DMBT1: variants seen among roughly 807,000 people sequenced by gnomAD.
The protein encoded by DMBT1 is deleted in malignant brain tumors 1, also known as scavenger receptor cysteine-rich domain-containing protein DMBT1.
In DMBT1, 198 loss-of-function variants were observed where a neutral mutation model predicts 252.9. The ratio of observed to expected loss-of-function variants is 0.78; its 90% confidence interval spans 0.70 to 0.88. DMBT1 has a LOEUF of 0.88. Among genes scored for constraint, DMBT1 ranks in the 40% least tolerant of loss-of-function variants. DMBT1 has a pLI of 0.00. For missense variants in DMBT1, 2,432 were observed against 2,404.7 expected (o/e 1.01, Z -0.24); for synonymous variants, 990 against 942.7 (o/e 1.05, Z -0.92).
intron 43 of DMBT1, 77 bp from the exon 44 acceptor site, chr10:122,620,980 G>C: frequency 1.3e-6 from 2 of 1,593,286 alleles, no homozygotes; most frequent in Non-Finnish European, 1.7e-6. Flanking sequence ...ATTAGGAAGT[G>C]CCCTGAGTGT....
At position 122,570,420 on chromosome 10, in the gene DMBT1, C is replaced by T. The variant is rs1292427341; in HGVS notation, c.139+211C>T. Among the ~76,000 whole-genome samples the T allele has an allele frequency of 2.6e-5, 4 of 152,350 alleles. No homozygotes were observed. In the East Asian group the frequency reaches 7.7e-4, roughly 29 times the overall value. On this transcript the variant is annotated intron_variant, in intron 3 of 55. Coordinates refer to ENST00000338354, the MANE Select transcript of DMBT1 (RefSeq NM_001377530.1). ...GGGCTCCCCAAGGGGGCATGGTCCT[C>T]CATGCAGCCACTTTGTGATGGTTTA...
chr10:122,629,255 C>A (rs539823255), intron 46 of DMBT1, among the ~76,000 whole-genome samples: 2 of 152,208 alleles, frequency 1.3e-5, no homozygotes, highest in South Asian at 2.1e-4. Context: ...GATGCCATTA[C>A]CACTCTCATT....
In DMBT1 at chr10:122,643,257, G is replaced by A. The variant is rs755724436; in HGVS notation, c.7488G>A (p.Ala2496=). 15 of 1,613,986 alleles carry A rather than the reference G, an allele frequency of 9.3e-6. No individual in the cohort carries two copies. Among genetic ancestry groups the A allele is most frequent in the South Asian group, 6.6e-5 (6 of 91,080 alleles). Residue 2496 remains alanine (A), a synonymous_variant, in exon 56 of 56, where the codon GCG becomes GCA. Coordinates refer to ENST00000338354, the MANE Select transcript of DMBT1 (RefSeq NM_001377530.1). ...GTTGTAAAATGGTGGTGTGCAGAGC[G>A]TATGACCCCTCTTCCCGCTGCTACC... ...YLRCKMVVCR[A]YDPSSRCYRG...
At chr10:122,634,390 TTC>T (rs1290971001) in intron 52 of DMBT1, among the ~76,000 whole-genome samples, 11 of 143,164 alleles carry the variant, frequency 7.7e-5, no homozygotes, top group African/African-American at 2.6e-4. Context: ...CTTTCTTTCT[TTC>T]TTTCTTTCTT....
At chr10:122,586,732 TG>T (rs1309715435) in intron 16 of DMBT1, among the ~76,000 whole-genome samples, 1 of 148,546 alleles carries the variant, frequency 6.7e-6, no homozygotes, top group Non-Finnish European at 1.5e-5. Context: ...ATTTGGGTCT[TG>T]GGTCTTTGCA....
Position 122,598,824 on chromosome 10 carries a change from C to G in DMBT1, c.3007C>G (p.Gln1003Glu). 1 of 1,613,576 alleles carries G rather than the reference C, an allele frequency of 6.2e-7. No individual in the cohort carries two copies. The highest frequency in any genetic ancestry group is 1.1e-5 in the South Asian group (1 of 91,056). The change falls in exon 26 of 56, where the codon CAG becomes GAG. Residue 1003 changes from glutamine (Q) to glutamate (E), a missense_variant. By Grantham distance (29) the Gln-to-Glu change is conservative (BLOSUM62 2). This residue lies in a region of DMBT1 where 1,264 missense variants were observed against 1,082.2 expected (regional missense o/e 1.17). Transcript: ENST00000338354. ...GCTGGTGAATGGAGGTGACAGGTGT[C>G]AGGGCCGAGTGGAGGTCCTATACCA... is the stretch of plus-strand genomic sequence containing the variant. Reference protein sequence around the residue: ...LRLVNGGDRCQGRVEVLYQGS... With the variant: ...LRLVNGGDRCEGRVEVLYQGS...
intron 24 of DMBT1, among the ~76,000 whole-genome samples, 165 bp from the exon 25 acceptor site, chr10:122,597,809 T>C (rs1325458616): frequency 6.6e-6 from 1 of 152,082 alleles, no homozygotes; most frequent in Non-Finnish European, 1.5e-5. Context: ...CTATGACCCT[T>C]GCTGAGCTTG....
intron 20 of DMBT1, among the ~76,000 whole-genome samples, chr10:122,593,033 C>T (rs1395456277): frequency 2.7e-5 from 4 of 148,624 alleles, no homozygotes; most frequent in African/African-American, 9.7e-5. Context: ...GTGAGGAGGT[C>T]TGGAAATAGA....
Position 122,579,884 on chromosome 10 carries a change from C to G in DMBT1, c.986C>G (p.Ala329Gly). 1 of 1,613,850 alleles carries G rather than the reference C, an allele frequency of 6.2e-7. No homozygotes were observed. Among genetic ancestry groups the G allele is most frequent in the Non-Finnish European group, 8.5e-7 (1 of 1,179,766 alleles). Residue 329 changes from alanine to glycine, a missense_variant, in exon 10 of 56, where the codon GCT (alanine) becomes GGT (glycine). Around this residue, in one of 3 missense-constraint regions of DMBT1, gnomAD observed 1,264 missense variants for 1,082.2 expected, o/e 1.17. Coordinates refer to ENST00000338354, the MANE Select transcript of DMBT1 (RefSeq NM_001377530.1). Reference protein sequence around the residue: ...LTHNCGHSEDAGVICSAPQSR... With the variant: ...LTHNCGHSEDGGVICSAPQSR... ...CACAACTGTGGCCATAGTGAAGACGCTGGTGTCATCTGCTCAGGTGGGCCT... is the reference window on the plus strand; with the variant it reads ...CACAACTGTGGCCATAGTGAAGACGGTGGTGTCATCTGCTCAGGTGGGCCT...
intron 26 of DMBT1, 128 bp from the exon 27 acceptor site, chr10:122,599,936 C>T (rs915117637): frequency 1.3e-4 from 177 of 1,366,884 alleles, no homozygotes; most frequent in Middle Eastern, 7.2e-4. Flanking sequence ...CATGGCAATG[C>T]CCCTCCCTGT....
intron 3 of DMBT1, 96 bp downstream of exon 3, chr10:122,570,305 A>G: frequency 9.5e-7 from 1 of 1,053,722 alleles, no homozygotes. Context: ...CCATACTTCT[A>G]GCAACTCTGG....
chr10:122,586,542 A>C (rs2097791337), intron 16 of DMBT1, among the ~76,000 whole-genome samples, 159 bp downstream of exon 16: 1 of 148,348 alleles, frequency 6.7e-6, no homozygotes, highest in South Asian at 2.3e-4. Flanking sequence ...TCTTCACCAC[A>C]TTGCCAGGTT....
intron 5 of DMBT1, among the ~76,000 whole-genome samples, chr10:122,572,598 T>C (rs2277233): frequency 0.69 from 103,946 of 151,480 alleles, 35,854 homozygotes; most frequent in East Asian, 0.77. Context: ...CTGTAAGTGA[T>C]GTCTTCATTG....
rs540990876 is a variant in DMBT1, at chr10:122,584,431, G to A, written c.1420+80G>A. On this transcript the variant is annotated intron_variant, in intron 14 of 55. Coordinates refer to ENST00000338354, the MANE Select transcript of DMBT1 (RefSeq NM_001377530.1). ...CCTTTCTGCACTCCACAGAGCCCTC[G>A]TTCTTCTCTGAGTGAATACTACATG... The A allele has an allele frequency of 4.8e-5, 12 of 248,724 alleles. No homozygotes were observed. In the South Asian group the frequency reaches 1.1e-3, roughly 22 times the overall value. The allele number at this position is 248,724 out of a possible 1,614,324, so 15.4% of individuals were successfully genotyped here. A position where few individuals can be genotyped will look rare whatever the true frequency, so the allele number is the denominator to read the frequency against.
rs1444933487 is a variant in DMBT1 at position 122,637,240 on chromosome 10, G to C, written c.6870G>C (p.Glu2290Asp). 6.2e-7 allele frequency: 1 copy of C among 1,614,020 alleles called. No individual in the cohort carries two copies. The highest frequency in any genetic ancestry group is 1.1e-5 in the South Asian group (1 of 91,074). Reference protein sequence around the residue: ...LVISTWNGYYECRPQITPNLV... With the variant: ...LVISTWNGYYDCRPQITPNLV... ...TTTCCACCTGGAATGGATACTACGAGTGTCGGCCCCAGATAACGCCGAACC... is the reference window on the plus strand; with the variant it reads ...TTTCCACCTGGAATGGATACTACGACTGTCGGCCCCAGATAACGCCGAACC... Residue 2290 changes from glutamate (E) to aspartate (D), a missense_variant, in exon 54 of 56, where the codon GAG becomes GAC. Coordinates refer to ENST00000338354, the MANE Select transcript of DMBT1 (RefSeq NM_001377530.1).
rs764477516 is a variant in DMBT1, at chr10:122,579,761, A to C, written c.863A>C (p.Gln288Pro). ...GWAMSAPGNA[Q>P]FGQGSGPIVL... ...GCCATGTCAGCCCCAGGAAATGCCC[A>C]GTTTGGCCAGGGCTCAGGACCCATT... The change falls in exon 10 of 56, where the codon CAG (glutamine) becomes CCG (proline). Residue 288 changes from glutamine to proline, a missense_variant. Coordinates refer to ENST00000338354, the MANE Select transcript of DMBT1 (RefSeq NM_001377530.1). The C allele has an allele frequency of 7.4e-6, 12 of 1,613,810 alleles. No individual in the cohort carries two copies. The highest frequency in any genetic ancestry group is 1.3e-5 in the African/African-American group (1 of 75,046).
chr10:122,633,873 G>T lies in DMBT1; in HGVS notation c.6548+532G>T, dbSNP rs556012196. 2.9e-3 allele frequency among the ~76,000 whole-genome samples: 449 copies of T among 152,214 alleles called. 2 individuals carry two copies. Among genetic ancestry groups the T allele is most frequent in the Non-Finnish European group, 5.3e-3 (359 of 68,000 alleles). On this transcript the variant is annotated intron_variant, in intron 52 of 55. Transcript: ENST00000338354. ...CACTGGCCAGGTATGCTGCCTCAGG[G>T]TTGTAATCCCAACACTTTGGGAGGC...
intron 50 of DMBT1, among the ~76,000 whole-genome samples, chr10:122,632,334 C>A (rs2098172056): frequency 6.6e-6 from 1 of 152,008 alleles, no homozygotes; most frequent in African/African-American, 2.4e-5. Context: ...TGTGCCCTCC[C>A]ATCCATTCTC....
Position 122,592,507 on chromosome 10 carries a change from A to T in DMBT1, c.2412A>T (p.Gly804=). Reference sequence around the variant, plus strand: ...TTCTGGATGATGTGCGCTGCTCAGGACACGAGTCCTACCTGTGGAGCTGCC... The same window carrying T: ...TTCTGGATGATGTGCGCTGCTCAGGTCACGAGTCCTACCTGTGGAGCTGCC... ...PIVLDDVRCS[G]HESYLWSCPH... The change falls in exon 20 of 56, where the codon GGA becomes GGT. Residue 804 remains glycine (G), a synonymous_variant. Coordinates refer to ENST00000338354, the MANE Select transcript of DMBT1 (RefSeq NM_001377530.1). 1 of 1,588,102 alleles carries T rather than the reference A, an allele frequency of 6.3e-7. No homozygotes were observed. The highest frequency in any genetic ancestry group is 8.6e-7 in the Non-Finnish European group (1 of 1,165,590).
Sources: gnomAD v4.1 joint callset for allele counts (sites outside exome capture counted in the v4.1 genomes callset) on GRCh38, gnomAD v4.1.1 for gene constraint, gnomAD v4.1.1 regional missense constraint, MANE v1.5 for transcripts, NCBI Gene and HGNC (gene_info 2026-07-23, HGNC 2026-07-21) for gene names.